Variants in ERC2 observed in about 807,000 individuals in gnomAD.
ERC2 encodes the protein ERC protein 2.
Under a neutral mutation model 114.8 loss-of-function variants are expected in ERC2, and 42 were observed. The observed-to-expected ratio is 0.37, with a 90% confidence interval of 0.29 to 0.47. The LOEUF (loss-of-function observed/expected upper bound fraction) is 0.47, where lower values mean the gene tolerates loss of function less well. Among genes scored for constraint, ERC2 ranks in the 20% least tolerant of loss-of-function variants. The pLI, the probability that ERC2 is intolerant of heterozygous loss-of-function variation, is 0.99. For missense variants in ERC2, 939 were observed against 1,150.7 expected (o/e 0.82, Z 2.66); for synonymous variants, 454 against 425.5 (o/e 1.07, Z -0.82).
At chr3:55,704,886 G>C (rs1390192) in intron 15 of ERC2, among the ~76,000 whole-genome samples, 22,838 of 152,232 alleles carry the variant, frequency 0.15, 2,187 homozygotes, top group Non-Finnish European at 0.21. Flanking sequence ...TTATGTGCCA[G>C]GCTAAGTGTT....
At chr3:56,372,586 G>T (rs1357423264) in intron 2 of ERC2, among the ~76,000 whole-genome samples, 2 of 152,042 alleles carry the variant, frequency 1.3e-5, no homozygotes, top group Non-Finnish European at 2.9e-5. Context: ...AATAAGCCAG[G>T]TGTGGTATCG....
At chr3:56,117,099 T>C (rs1024634291) in intron 6 of ERC2, among the ~76,000 whole-genome samples, 1 of 152,176 alleles carries the variant, frequency 6.6e-6, no homozygotes, top group Non-Finnish European at 1.5e-5. Context: ...TGGATTCCTC[T>C]GACACAAAGC....
chr3:56,395,880 C>A (rs1480618789), intron 2 of ERC2, among the ~76,000 whole-genome samples: 1 of 152,154 alleles, frequency 6.6e-6, no homozygotes, highest in African/African-American at 2.4e-5. Context: ...AATGAGATGT[C>A]CAGGAAAACA....
At chr3:55,810,305 C>T (rs1324146497) in intron 14 of ERC2, among the ~76,000 whole-genome samples, 2 of 151,962 alleles carry the variant, frequency 1.3e-5, no homozygotes, top group Non-Finnish European at 2.9e-5. Context: ...GTAAATATCC[C>T]TCCAAATATT....
At chr3:56,382,805 C>T (rs80012474) in intron 2 of ERC2, among the ~76,000 whole-genome samples, 421 of 151,770 alleles carry the variant, frequency 2.8e-3, no homozygotes, top group African/African-American at 9.0e-3. Context: ...AAATTTATAC[C>T]GTTAGGCTTG....
chr3:56,207,632 G>A (rs1221481943), intron 3 of ERC2, among the ~76,000 whole-genome samples: 1 of 152,088 alleles, frequency 6.6e-6, no homozygotes, highest in Non-Finnish European at 1.5e-5. Flanking sequence ...CATGGCAGAA[G>A]GGAACTTTTC....
chr3:55,601,967 C>G (rs1404095305), intron 17 of ERC2, among the ~76,000 whole-genome samples: 1 of 152,198 alleles, frequency 6.6e-6, no homozygotes, highest in African/African-American at 2.4e-5. Context: ...ATGAGCCGGG[C>G]TTTGTGTTTT....
At chr3:55,815,593 G>A (rs780608190) in intron 14 of ERC2, among the ~76,000 whole-genome samples, 19 of 152,166 alleles carry the variant, frequency 1.2e-4, no homozygotes, top group Non-Finnish European at 2.2e-4. Flanking sequence ...CTGCTTAACC[G>A]AATTTCAACC....
chr3:56,241,513 C>T (rs7627149), intron 3 of ERC2, among the ~76,000 whole-genome samples: 38,379 of 152,060 alleles, frequency 0.25, 5,356 homozygotes, highest in Non-Finnish European at 0.3. Context: ...AAAAATAAAA[C>T]TACCATTCAA....
At chr3:56,320,810 T>C (rs1384139841) in intron 2 of ERC2, among the ~76,000 whole-genome samples, 2 of 152,172 alleles carry the variant, frequency 1.3e-5, no homozygotes, top group East Asian at 3.8e-4. Flanking sequence ...TGGGAGCATA[T>C]CAGTCAGGTA....
intron 14 of ERC2, among the ~76,000 whole-genome samples, chr3:55,870,042 G>A (rs1294970406): frequency 1.3e-5 from 2 of 151,898 alleles, no homozygotes; most frequent in African/African-American, 4.8e-5. Flanking sequence ...ACCAGGAGGT[G>A]AAATGATAAA....
intron 17 of ERC2, among the ~76,000 whole-genome samples, chr3:55,654,122 AGAG>A (rs1202516387): frequency 6.6e-6 from 1 of 152,230 alleles, no homozygotes; most frequent in Non-Finnish European, 1.5e-5. Context: ...CAGCTGGTAA[AGAG>A]GAGATCAAAA....
chr3:55,855,608 C>T (rs1242608876), intron 14 of ERC2, among the ~76,000 whole-genome samples: 1 of 152,130 alleles, frequency 6.6e-6, no homozygotes, highest in East Asian at 1.9e-4. Context: ...AAAAATTGAA[C>T]AATTTCCTCT....
chr3:55,730,887 T>G (rs535191634), intron 15 of ERC2, among the ~76,000 whole-genome samples: 173 of 152,294 alleles, frequency 1.1e-3, no homozygotes, highest in Middle Eastern at 3.4e-3. Context: ...GCATCTCTCA[T>G]GAGCCAGTCT....
intron 17 of ERC2, among the ~76,000 whole-genome samples, chr3:55,637,903 G>T (rs2060022728): frequency 6.6e-6 from 1 of 152,058 alleles, no homozygotes; most frequent in African/African-American, 2.4e-5. Flanking sequence ...GTTAGCTACT[G>T]TTATTTTTCC....
intron 3 of ERC2, among the ~76,000 whole-genome samples, chr3:56,187,217 G>C (rs1176307865): frequency 6.6e-6 from 1 of 152,238 alleles, no homozygotes; most frequent in South Asian, 2.1e-4. Flanking sequence ...ACAGGAAAAA[G>C]TTTGGCAATT....
At chr3:56,138,056 T>C (rs1560237174) in intron 6 of ERC2, among the ~76,000 whole-genome samples, 2 of 138,418 alleles carry the variant, frequency 1.4e-5, no homozygotes, top group Middle Eastern at 3.6e-3. Flanking sequence ...TATTTCTTTT[T>C]TTTTTTTTTT....
At chr3:56,230,685 G>A (rs2150175601) in intron 3 of ERC2, among the ~76,000 whole-genome samples, 1 of 152,282 alleles carries the variant, frequency 6.6e-6, no homozygotes, top group South Asian at 2.1e-4. Flanking sequence ...AATTATGTAT[G>A]TAAGAAAACA....
intron 12 of ERC2, among the ~76,000 whole-genome samples, chr3:55,967,857 TTGCCTTTCTGCCTTTC>T (rs895189655): frequency 1.3e-5 from 2 of 152,176 alleles, no homozygotes; most frequent in Admixed American, 6.5e-5. Flanking sequence ...TTGCCCTCTC[TTGCCTTTCTGCCTTTC>T]TGCCTTTCTG....
Sources: allele counts gnomAD v4.1 joint callset (sites outside exome capture counted in the v4.1 genomes callset), GRCh38; gene constraint gnomAD v4.1.1; transcripts MANE v1.5; gene names NCBI Gene and HGNC (gene_info 2026-07-23, HGNC 2026-07-21).